ZNF438: variants seen among roughly 807,000 people sequenced by gnomAD.
ZNF438 encodes zinc finger protein 438.
A neutral mutation model predicts 38.0 loss-of-function variants in ZNF438; 25 were observed. The ratio of observed to expected loss-of-function variants is 0.66; its 90% CI spans 0.48 to 0.92. The LOEUF (loss-of-function observed/expected upper bound fraction) is 0.92. Ranked by LOEUF, ZNF438 falls within the 40% of genes least tolerant of loss-of-function variation. The pLI is 0.00. For missense variants in ZNF438, 1,007 were observed against 999.6 expected (o/e 1.01, Z -0.10); for synonymous variants, 372 against 364.1 (o/e 1.02, Z -0.25).
At chr10:30,849,008 T>C in exon 5 of ZNF438, 1 of 1,614,180 alleles carries the variant, frequency 6.2e-7, no homozygotes, top group Non-Finnish European at 8.5e-7. Context: ...CAAAACATCC[T>C]GTCCTAGGCC....
chr10:30,938,425 G>A (rs1020915475), intron 2 of ZNF438, among the ~76,000 whole-genome samples: 42 of 151,986 alleles, frequency 2.8e-4, no homozygotes, highest in African/African-American at 8.9e-4. Context: ...ACAGGTGCAC[G>A]CCACCATGCC....
intron 2 of ZNF438, among the ~76,000 whole-genome samples, chr10:30,936,842 GAGGC>G (rs755959798): frequency 6.6e-6 from 1 of 151,802 alleles, no homozygotes; most frequent in Non-Finnish European, 1.5e-5. Flanking sequence ...TTTTTAAAAG[GAGGC>G]AGGTCACGTC....
chr10:30,903,305 A>T (rs542567878), intron 3 of ZNF438, among the ~76,000 whole-genome samples: 1 of 152,320 alleles, frequency 6.6e-6, no homozygotes, highest in African/African-American at 2.4e-5. Context: ...GCCAAGGCCG[A>T]GGAGGCACCG....
At chr10:30,894,170 G>T (rs578171003) in intron 3 of ZNF438, among the ~76,000 whole-genome samples, 2 of 152,090 alleles carry the variant, frequency 1.3e-5, no homozygotes, top group Admixed American at 1.3e-4. Flanking sequence ...GTTTATTTAA[G>T]AAGTAAAAAC....
At chr10:31,007,100 T>C (rs2055210633) in intron 1 of ZNF438, among the ~76,000 whole-genome samples, 1 of 151,876 alleles carries the variant, frequency 6.6e-6, no homozygotes, top group Non-Finnish European at 1.5e-5. Context: ...AGACTAAAAG[T>C]GAAGGAATGC....
chr10:30,849,979 A>C (rs753552032), exon 5 of ZNF438: 6 of 1,614,016 alleles, frequency 3.7e-6, no homozygotes, highest in Non-Finnish European at 5.1e-6. Context: ...AGCCACTCTT[A>C]GGAAAGATCA....
intron 1 of ZNF438, among the ~76,000 whole-genome samples, chr10:30,974,312 T>G (rs1205633697): frequency 6.6e-6 from 1 of 152,136 alleles, no homozygotes; most frequent in Non-Finnish European, 1.5e-5. Context: ...AGACCCCATC[T>G]CTATAAAAAA....
intron 1 of ZNF438, among the ~76,000 whole-genome samples, chr10:31,028,602 TG>T (rs2057088841): frequency 2.0e-5 from 3 of 151,970 alleles, no homozygotes; most frequent in Non-Finnish European, 4.4e-5. Flanking sequence ...GAGGGGAGGG[TG>T]CAGAAAACCC....
intron 1 of ZNF438, among the ~76,000 whole-genome samples, chr10:30,950,617 C>T (rs1817509281): frequency 6.6e-6 from 1 of 150,388 alleles, no homozygotes; most frequent in South Asian, 2.1e-4. Context: ...ATACTACAAA[C>T]ACCTCTATGC....
chr10:30,883,832 G>A (rs2133856869), intron 3 of ZNF438, among the ~76,000 whole-genome samples: 1 of 152,334 alleles, frequency 6.6e-6, no homozygotes, highest in East Asian at 1.9e-4. Flanking sequence ...GTTGCAGTGA[G>A]CCCTGACTGT....
chr10:30,879,800 A>C (rs2038961317), intron 3 of ZNF438, among the ~76,000 whole-genome samples: 1 of 152,190 alleles, frequency 6.6e-6, no homozygotes, highest in Non-Finnish European at 1.5e-5. Context: ...AAAACAAAAA[A>C]CAAAAATCAG....
chr10:30,910,089 C>T (rs533933275), intron 2 of ZNF438, among the ~76,000 whole-genome samples: 1 of 152,180 alleles, frequency 6.6e-6, no homozygotes, highest in Non-Finnish European at 1.5e-5. Context: ...TCCTGAAGCT[C>T]TCTGCCCTTG....
At chr10:30,906,422 T>C (rs1228530291) in intron 3 of ZNF438, among the ~76,000 whole-genome samples, 3 of 152,244 alleles carry the variant, frequency 2.0e-5, no homozygotes. Context: ...TATATTGATC[T>C]TGTATCTTTC....
chr10:30,929,990 A>T (rs2045445181), intron 2 of ZNF438, among the ~76,000 whole-genome samples: 1 of 152,256 alleles, frequency 6.6e-6, no homozygotes. Context: ...TCAGGAGCCC[A>T]TCTGGCTTCA....
chr10:31,011,321 C>T (rs1346915129), intron 1 of ZNF438, among the ~76,000 whole-genome samples: 1 of 152,218 alleles, frequency 6.6e-6, no homozygotes, highest in Non-Finnish European at 1.5e-5. Flanking sequence ...GTGGGCAGAG[C>T]ACTGCACTCC....
intron 2 of ZNF438, among the ~76,000 whole-genome samples, chr10:30,912,640 C>T (rs140248299): frequency 5.2e-4 from 79 of 152,224 alleles, no homozygotes; most frequent in African/African-American, 1.7e-3. Flanking sequence ...GGTGCATGGG[C>T]TCTGGAGGTG....
At position 30,848,524 on chromosome 10, in the gene ZNF438, C is replaced by T. The variant is rs756323659; in HGVS notation, c.1874+7G>A. 5 of 1,605,466 alleles carry T rather than the reference C, an allele frequency of 3.1e-6. No individual in the cohort carries two copies. The highest frequency in any genetic ancestry group is 4.3e-6 in the Non-Finnish European group (5 of 1,173,726). On this transcript the variant is annotated splice_region_variant and intron_variant, in intron 5 of 5. Coordinates refer to ENST00000413025, the Ensembl canonical transcript of ZNF438. The stretch of plus-strand genomic sequence containing the variant: ...TCTTGCCAGGTCTCCATTACATTGG[C>T]ACTCACCTCTCCAATGATCCCTCCA...
At chr10:30,845,254 G>A (rs2031652447) in exon 6 of ZNF438, 2 of 1,614,040 alleles carry the variant, frequency 1.2e-6, no homozygotes, top group African/African-American at 2.7e-5. Context: ...TTCTGATGAA[G>A]GTGGAGCTGC....
At chr10:31,014,478 C>T (rs551973518) in intron 1 of ZNF438, among the ~76,000 whole-genome samples, 4 of 152,280 alleles carry the variant, frequency 2.6e-5, no homozygotes, top group African/African-American at 9.6e-5. Context: ...GAGGGCCCCA[C>T]CTTCAGGCCC....
Sources: gnomAD v4.1 joint callset for allele counts (sites outside exome capture counted in the v4.1 genomes callset) on GRCh38, gnomAD v4.1.1 for gene constraint, MANE v1.5 for transcripts, NCBI Gene and HGNC (gene_info 2026-07-23, HGNC 2026-07-21) for gene names.